Variants in ADSL observed in about 807,000 individuals in gnomAD.
The protein encoded by ADSL is adenylosuccinate lyase.
Under a neutral mutation model 62.1 loss-of-function variants are expected in ADSL, and 44 were observed. The observed-to-expected ratio is 0.71, with a 90% CI of 0.56 to 0.91. ADSL has a LOEUF of 0.91. Among genes scored for constraint, ADSL ranks in the 40% least tolerant of loss-of-function variants. The pLI, the probability that ADSL is intolerant of heterozygous loss-of-function variation, is 0.00. For missense variants in ADSL, 531 were observed against 627.4 expected, an observed-to-expected ratio of 0.85 and a Z score of 1.64; for synonymous variants, 198 against 220.5, an observed-to-expected ratio of 0.90 and a Z score of 0.90.
At chr22:40,371,864 T>G (rs957373400), downstream of ADSL, among the ~76,000 whole-genome samples, 3 of 150,392 alleles carry the variant, frequency 2.0e-5, no homozygotes, top group Non-Finnish European at 4.4e-5. Context: ...GCCCGGCTAA[T>G]TTGTGTATTT....
chr22:40,383,646 G>A (rs932973226), intron 2 of ADSL, among the ~76,000 whole-genome samples: 3 of 152,164 alleles, frequency 2.0e-5, no homozygotes, highest in African/African-American at 7.2e-5. Flanking sequence ...ACAGAGGCAT[G>A]TTGAGACAGT....
At chr22:40,381,227 A>G (rs2047517319) in intron 2 of ADSL, among the ~76,000 whole-genome samples, 1 of 151,552 alleles carries the variant, frequency 6.6e-6, no homozygotes, top group Non-Finnish European at 1.5e-5. Context: ...GGCTCATTGC[A>G]ACCTCCACCT....
chr22:40,383,882 T>C (rs2047996614), intron 2 of ADSL, among the ~76,000 whole-genome samples: 1 of 151,922 alleles, frequency 6.6e-6, no homozygotes, highest in South Asian at 2.1e-4. Flanking sequence ...GCAGTGGAAA[T>C]GGAGATGGAG....
chr22:40,357,130 A>C (rs1041237129), intron 4 of ADSL, among the ~76,000 whole-genome samples: 1 of 152,022 alleles, frequency 6.6e-6, no homozygotes, highest in Non-Finnish European at 1.5e-5. Flanking sequence ...TCCTGGCTTC[A>C]AGTGATCCAC....
chr22:40,365,268 G>A (rs936014614), intron 12 of ADSL, among the ~76,000 whole-genome samples: 1 of 152,044 alleles, frequency 6.6e-6, no homozygotes, highest in Admixed American at 6.6e-5. Context: ...GTGCAGTGGT[G>A]CTGAGTGCAG....
intron 2 of ADSL, among the ~76,000 whole-genome samples, chr22:40,379,696 G>C (rs1180016290): frequency 6.6e-6 from 1 of 151,896 alleles, no homozygotes; most frequent in Non-Finnish European, 1.5e-5. Context: ...TTTGAACTTT[G>C]GTAGTATTTG....
At chr22:40,352,669 A>T (rs1227178550) in intron 2 of ADSL, among the ~76,000 whole-genome samples, 3 of 152,148 alleles carry the variant, frequency 2.0e-5, no homozygotes, top group Non-Finnish European at 4.4e-5. Context: ...TTAATTGAGA[A>T]TTTTTTTAAT....
At chr22:40,359,182 C>T (rs1411189793) in intron 5 of ADSL, 78 bp from the exon 6 acceptor site, 16 of 1,589,482 alleles carry the variant, frequency 1.0e-5, no homozygotes, top group African/African-American at 1.3e-5. Context: ...GGGAGCGAGA[C>T]CTGGGTAGGA....
chr22:40,353,519 A>C, intron 3 of ADSL: 1 of 658,836 alleles, frequency 1.5e-6, no homozygotes, highest in African/African-American at 1.8e-5. Flanking sequence ...CCTGAGCTCA[A>C]GGGATCCACC....
intron 1 of ADSL, chr22:40,349,019 C>G (rs372903374): frequency 6.4e-6 from 1 of 156,382 alleles, no homozygotes; most frequent in East Asian, 1.8e-4. Flanking sequence ...CCTGGCAAAA[C>G]TACTTACAGA....
chr22:40,362,085 G>A (rs2044813260), intron 9 of ADSL, among the ~76,000 whole-genome samples: 1 of 152,312 alleles, frequency 6.6e-6, no homozygotes, highest in Non-Finnish European at 1.5e-5. Flanking sequence ...GGTCTTTTCT[G>A]AAGGCAGATA....
At chr22:40,370,548 C>G (rs1395420986), downstream of ADSL, 1 of 152,302 alleles carries the variant, frequency 6.6e-6, no homozygotes, top group Non-Finnish European at 1.5e-5. Flanking sequence ...GCGGGAACGA[C>G]TACAGCCCCC....
Position 40,358,882 on chromosome 22 carries a change from A to G in ADSL, c.501A>G (p.Thr167=), listed in dbSNP as rs771772590. ...TTTTCAGGCCTGCACAGCTGACCAC[A>G]GTTGGGAAACGTTGCTGTCTTTGGA... is the stretch of plus-strand genomic sequence containing the variant. ...FTHFQPAQLT[T]VGKRCCLWIQ... Residue 167 remains threonine (T), a synonymous_variant, in exon 5 of 13, where the codon ACA becomes ACG. Coordinates refer to ENST00000623063, the MANE Select transcript of ADSL (RefSeq NM_000026.4). 4 of 1,614,184 alleles carry G rather than the reference A, an allele frequency of 2.5e-6. No homozygotes were observed. The highest frequency in any genetic ancestry group is 1.1e-5 in the South Asian group (1 of 91,080).
chr22:40,361,808 G>C, intron 9 of ADSL, 173 bp downstream of exon 9: 1 of 852,784 alleles, frequency 1.2e-6, no homozygotes, highest in South Asian at 1.5e-5. Context: ...GTTACAATTG[G>C]AGTGTGTACT....
chr22:40,378,587 G>C (rs1441975610), intron 2 of ADSL, among the ~76,000 whole-genome samples: 1 of 150,774 alleles, frequency 6.6e-6, no homozygotes, highest in Admixed American at 6.6e-5. Context: ...CAAAAAATTA[G>C]CCGGGTGTGG....
In ADSL at chr22:40,366,519, G is replaced by A. The variant is rs760454890; in HGVS notation, c.1452G>A (p.Leu484=). ...SVMKVKAELC[L] is the part of the protein sequence containing the mutation. ...TGAAGGTGAAAGCAGAATTATGTCT[G>A]TAGAGTTGGAAGAGAATTAAACGAA... The change falls in exon 13 of 13, where the codon CTG becomes CTA. Residue 484 remains leucine, a synonymous_variant. Coordinates refer to ENST00000623063, the MANE Select transcript of ADSL (RefSeq NM_000026.4). 3 of 1,607,040 alleles carry A rather than the reference G, an allele frequency of 1.9e-6. No homozygotes were observed. The highest frequency in any genetic ancestry group is 2.2e-5 in the South Asian group (2 of 90,932).
chr22:40,374,157 G>A (rs548326516), downstream of ADSL, among the ~76,000 whole-genome samples: 10 of 150,834 alleles, frequency 6.6e-5, no homozygotes, highest in African/African-American at 2.4e-4. Context: ...GGGCTTCACC[G>A]TGTTAGCCAG....
At chr22:40,363,834 C>A (rs1174280217) in intron 10 of ADSL, among the ~76,000 whole-genome samples, 1 of 152,082 alleles carries the variant, frequency 6.6e-6, no homozygotes, top group Non-Finnish European at 1.5e-5. Flanking sequence ...GTGGCTTACG[C>A]CTGTAATCCC....
intron 4 of ADSL, 89 bp from the exon 5 acceptor site, chr22:40,358,775 G>T: frequency 3.2e-6 from 4 of 1,250,370 alleles, no homozygotes. Flanking sequence ...CCCTCCAAGG[G>T]GTAATGGTGG....
Sources: allele counts gnomAD v4.1 joint callset (sites outside exome capture counted in the v4.1 genomes callset), GRCh38; gene constraint gnomAD v4.1.1; transcripts MANE v1.5; gene names NCBI Gene and HGNC (gene_info 2026-07-23, HGNC 2026-07-21).